The following NGB variants were observed in gnomAD, a reference collection of about 807,000 sequenced individuals.
The protein encoded by NGB is neuroglobin.
In NGB, 12 loss-of-function variants were observed where a neutral mutation model predicts 17.3. The ratio of observed to expected loss-of-function variants is 0.69; its 90% CI spans 0.45 to 1.13. The LOEUF (loss-of-function observed/expected upper bound fraction) is 1.13. Ranked by LOEUF, NGB falls within the 50% of genes most tolerant of loss-of-function variation. The pLI, the probability that NGB is intolerant of heterozygous loss-of-function variation, is 0.00. For synonymous variants in NGB, 87 were observed against 81.0 expected, an observed-to-expected ratio of 1.07 and a Z score of -0.40; for missense variants, 195 against 191.7, an observed-to-expected ratio of 1.02 and a Z score of -0.10.
rs748537518 is a variant in NGB at position 77,268,415 on chromosome 14, A to G, written c.321+51T>C. The stretch of plus-strand genomic sequence containing the variant: ...TGGCAAGGGGAGGTCTGGGAGAGAG[A>G]AGTGGCCCCAGGCCAGGAGCTCTGG... On this transcript the variant is annotated intron_variant, in intron 3 of 3. Transcript: ENST00000298352. The G allele has an allele frequency of 2.5e-6, 4 of 1,589,976 alleles. No homozygotes were observed. In the African/African-American group the frequency reaches 5.4e-5, roughly 21 times the overall value.
At chr14:77,269,645 C>G (rs1007519115) in intron 1 of NGB, among the ~76,000 whole-genome samples, 3 of 146,560 alleles carry the variant, frequency 2.0e-5, no homozygotes, top group African/African-American at 7.6e-5. Flanking sequence ...CCTGGAGTTA[C>G]GTTGTGTGGA....
In NGB at chr14:77,270,769, CG is replaced by C. The variant is rs1594877443; in HGVS notation, c.89+79del. On this transcript the variant is annotated intron_variant, in intron 1 of 3. Transcript: ENST00000298352. Reference sequence around the variant, plus strand: ...CGGCAGCGGCCAGTTTTCCCTCCTTCGGGGCCGGTCCTGCCGCGTGACCCCT... The same window carrying C: ...CGGCAGCGGCCAGTTTTCCCTCCTTCGGGCCGGTCCTGCCGCGTGACCCCT... 9 of 1,281,960 alleles carry C rather than the reference CG, an allele frequency of 7.0e-6. No individual in the cohort carries two copies. In the East Asian group the frequency reaches 2.1e-4, roughly 30 times the overall value. The allele number at this position is 1,281,960 out of a possible 1,614,324, so 79.4% of individuals were successfully genotyped here.
At chr14:77,268,326 A>C in intron 3 of NGB, 140 bp downstream of exon 3, 1 of 809,194 alleles carries the variant, frequency 1.2e-6, no homozygotes, top group Non-Finnish European at 1.9e-6. Flanking sequence ...GCCACACAGC[A>C]GGTAACAGAT....
intron 1 of NGB, among the ~76,000 whole-genome samples, chr14:77,269,608 G>A (rs933514480): frequency 6.6e-6 from 1 of 151,870 alleles, no homozygotes; most frequent in Non-Finnish European, 1.5e-5. Flanking sequence ...TGTGATTTGG[G>A]ACAGGAAGAG....
chr14:77,270,786 C>A, intron 1 of NGB, 63 bp downstream of exon 1: 1 of 1,381,432 alleles, frequency 7.2e-7, no homozygotes, highest in Non-Finnish European at 9.9e-7. Context: ...GGTCCTGCCG[C>A]GTGACCCCTT....
intron 1 of NGB, among the ~76,000 whole-genome samples, chr14:77,270,392 G>A (rs143308185): frequency 2.0e-5 from 3 of 152,290 alleles, no homozygotes; most frequent in Non-Finnish European, 4.4e-5. Flanking sequence ...GAGCCAGACC[G>A]CTCACACGCG....
Position 77,266,622 on chromosome 14 carries a change from C to T in NGB, c.370G>A (p.Ala124Thr), listed in dbSNP as rs192468767. The change falls in exon 4 of 4, where the codon GCC (alanine) becomes ACC (threonine). Residue 124 changes from alanine to threonine, a missense_variant. Physicochemically the swap from Ala to Thr is moderately conservative, Grantham distance 58. Transcript: ENST00000298352. Reference protein sequence around the residue: ...LYMLEKCLGPAFTPATRAAWS... With the variant: ...LYMLEKCLGPTFTPATRAAWS... ...GCAGCCCGTGTGGCTGGTGTGAAGG[C>T]AGGGCCCAGACACTTCTCCAGCATG... The T allele has an allele frequency of 6.2e-6, 10 of 1,614,124 alleles. No homozygotes were observed. The Admixed American group carries it at 1.2e-4, about 19-fold the overall frequency.
intron 1 of NGB, among the ~76,000 whole-genome samples, chr14:77,269,556 G>C (rs1008871517): frequency 6.6e-6 from 1 of 152,138 alleles, no homozygotes; most frequent in Non-Finnish European, 1.5e-5. Flanking sequence ...TGTGTCCCAG[G>C]GCCTCTGGTA....
rs1482128374 is a variant in NGB at position 77,265,825 on chromosome 14, G to C, written c.*711C>G. ...TCCCCAGCCCCTCCCCACCTGGCCA[G>C]CTAGCTGGGTTCCTGCAGCAGCGGA... On this transcript the variant is annotated 3_prime_UTR_variant, in exon 4 of 4. Coordinates refer to ENST00000298352, the MANE Select transcript of NGB (RefSeq NM_021257.4). This position sits in a 1 kb window ranked among gnomAD's most constrained non-coding sequence, Gnocchi z 4.7. The C allele has an allele frequency of 6.1e-6, 1 of 163,968 alleles. No individual in the cohort carries two copies. Among genetic ancestry groups the C allele is most frequent in the Non-Finnish European group, 1.3e-5 (1 of 74,122 alleles). 10.2% of individuals were successfully genotyped at this position (163,968 alleles called of 1,614,324 possible). A position where few individuals can be genotyped will look rare whatever the true frequency, so the allele number is the denominator to read the frequency against.
At chr14:77,267,582 C>T (rs1420613308) in intron 3 of NGB, among the ~76,000 whole-genome samples, 1 of 152,166 alleles carries the variant, frequency 6.6e-6, no homozygotes, top group Non-Finnish European at 1.5e-5. Context: ...AAGATAATGG[C>T]TCTCATTTGC....
chr14:77,270,237 G>A (rs1186595777), intron 1 of NGB, among the ~76,000 whole-genome samples: 1 of 151,994 alleles, frequency 6.6e-6, no homozygotes, highest in Non-Finnish European at 1.5e-5. Context: ...TTGGAGACTG[G>A]CCTTCCCTTC....
intron 3 of NGB, 76 bp downstream of exon 3, chr14:77,268,390 T>C (rs1889701891): frequency 6.7e-7 from 1 of 1,494,706 alleles, no homozygotes; most frequent in East Asian, 2.3e-5. Context: ...AGAGAACAGG[T>C]GGCAAGGGGA....
intron 3 of NGB, among the ~76,000 whole-genome samples, chr14:77,267,067 T>C (rs1439642877): frequency 6.6e-6 from 1 of 152,174 alleles, no homozygotes; most frequent in African/African-American, 2.4e-5. Flanking sequence ...TGAGTACAGA[T>C]TCTGACTCCA....
At chr14:77,269,416 G>A (rs1365399471) in intron 1 of NGB, 90 bp from the exon 2 acceptor site, 7 of 853,782 alleles carry the variant, frequency 8.2e-6, no homozygotes, top group Middle Eastern at 3.3e-4. Context: ...GCGGGCGGGG[G>A]TGCCAAGCCA....
At chr14:77,269,966 G>C (rs1463917664) in intron 1 of NGB, among the ~76,000 whole-genome samples, 1 of 151,912 alleles carries the variant, frequency 6.6e-6, no homozygotes, top group Non-Finnish European at 1.5e-5. Flanking sequence ...ACACAGCTTG[G>C]ATGTAGTGCA....
intron 3 of NGB, 73 bp downstream of exon 3, chr14:77,268,393 C>T: frequency 1.3e-6 from 2 of 1,520,246 alleles, no homozygotes; most frequent in African/African-American, 1.4e-5. Flanking sequence ...GAACAGGTGG[C>T]AAGGGGAGGT....
In NGB at chr14:77,271,071, G is replaced by T; in HGVS notation, c.-134C>A. The T allele has an allele frequency of 1.6e-6, 1 of 607,592 alleles. No homozygotes were observed. The highest frequency in any genetic ancestry group is 2.6e-6 in the Non-Finnish European group (1 of 379,120). The allele number at this position is 607,592 out of a possible 1,614,324, so 37.6% of individuals were successfully genotyped here. A position where few individuals can be genotyped will look rare whatever the true frequency, so the allele number is the denominator to read the frequency against. On this transcript the variant is annotated 5_prime_UTR_variant, in exon 1 of 4. Coordinates refer to ENST00000298352, the MANE Select transcript of NGB (RefSeq NM_021257.4). ...CGCCCCCCGTGCCTCCGCCCGGCGG[G>T]GGCCGCAGCCGCTCCTTCCCTGGCG...
At chr14:77,270,783 C>A in intron 1 of NGB, 66 bp downstream of exon 1, 1 of 1,372,420 alleles carries the variant, frequency 7.3e-7, no homozygotes, top group Non-Finnish European at 1.0e-6. Flanking sequence ...GCCGGTCCTG[C>A]CGCGTGACCC....
At position 77,271,104 on chromosome 14, in the gene NGB, G is replaced by A. The variant is rs1889771921; in HGVS notation, c.-167C>T. On this transcript the variant is annotated 5_prime_UTR_variant, in exon 1 of 4. Transcript: ENST00000298352. ...GCCGCTCCTTCCCTGGCGCGGGAGA[G>A]AAAAGGCGCGCGGCCAGTCGTAGGT... 2 of 525,036 alleles carry A rather than the reference G, an allele frequency of 3.8e-6. No homozygotes were observed. The highest frequency in any genetic ancestry group is 7.1e-5 in the East Asian group (2 of 28,236). 32.5% of individuals were successfully genotyped at this position (525,036 alleles called of 1,614,324 possible).
Sources: gnomAD v4.1 joint callset for allele counts (sites outside exome capture counted in the v4.1 genomes callset) on GRCh38, gnomAD v4.1.1 for gene constraint, Gnocchi (gnomAD v3.1) non-coding constraint, MANE v1.5 for transcripts, NCBI Gene and HGNC (gene_info 2026-07-23, HGNC 2026-07-21) for gene names.